Variants in TMEM170B observed in about 807,000 individuals in gnomAD.
The protein encoded by TMEM170B is transmembrane protein 170B.
Under a neutral mutation model 13.0 loss-of-function variants are expected in TMEM170B, and 6 were observed. That is an observed-to-expected ratio of 0.46 (90% CI 0.25 to 0.91). TMEM170B has a LOEUF of 0.91. Ranked by LOEUF, TMEM170B falls within the 40% of genes least tolerant of loss-of-function variation. TMEM170B has a pLI of 0.17. For synonymous variants in TMEM170B, 61 were observed against 64.9 expected, an observed-to-expected ratio of 0.94 and a Z score of 0.29; for missense variants, 138 against 165.2, an observed-to-expected ratio of 0.84 and a Z score of 0.90.
At chr6:11,547,027 T>C (rs766736465) in intron 1 of TMEM170B, among the ~76,000 whole-genome samples, 2 of 152,258 alleles carry the variant, frequency 1.3e-5, no homozygotes, top group African/African-American at 2.4e-5. Context: ...ACTATACTTA[T>C]CTATGTTCAG....
chr6:11,564,924 G>A (rs567692380), intron 1 of TMEM170B, among the ~76,000 whole-genome samples: 2 of 152,316 alleles, frequency 1.3e-5, no homozygotes, highest in African/African-American at 4.8e-5. Context: ...GGGAGAAGGA[G>A]TCAGTGCAAG....
At chr6:11,544,430 T>G (rs1200589268) in intron 1 of TMEM170B, among the ~76,000 whole-genome samples, 1 of 152,178 alleles carries the variant, frequency 6.6e-6, no homozygotes, top group Non-Finnish European at 1.5e-5. Context: ...CCCTGGTAAG[T>G]GTTTGCATCA....
At chr6:11,556,666 C>G (rs1759593783) in intron 1 of TMEM170B, among the ~76,000 whole-genome samples, 1 of 152,104 alleles carries the variant, frequency 6.6e-6, no homozygotes, top group South Asian at 2.1e-4. Flanking sequence ...TCTCGTCCTT[C>G]CATCGGCAGT....
intron 1 of TMEM170B, among the ~76,000 whole-genome samples, chr6:11,564,776 A>G (rs1759713767): frequency 1.3e-5 from 2 of 152,178 alleles, no homozygotes; most frequent in Admixed American, 1.3e-4. Flanking sequence ...AGCTTCACAA[A>G]TCTTGAGCCT....
intron 1 of TMEM170B, among the ~76,000 whole-genome samples, chr6:11,542,402 A>C (rs1759373592): frequency 6.6e-6 from 1 of 152,192 alleles, no homozygotes; most frequent in African/African-American, 2.4e-5. Flanking sequence ...GGTTAGCTCC[A>C]ATATGTCTTT....
At chr6:11,557,912 T>TC (rs1759611026) in intron 1 of TMEM170B, among the ~76,000 whole-genome samples, 1 of 152,194 alleles carries the variant, frequency 6.6e-6, no homozygotes. Context: ...TTATTATCAT[T>TC]ACTATTTTTT....
chr6:11,577,972 T>A lies in TMEM170B; in HGVS notation c.*2411T>A, dbSNP rs922731446. 6.6e-6 allele frequency: 1 copy of A among 152,156 alleles called. No homozygotes were observed. Among genetic ancestry groups the A allele is most frequent in the East Asian group, 1.9e-4 (1 of 5,200 alleles). 9.4% of individuals were successfully genotyped at this position (152,156 alleles called of 1,614,324 possible). A position where few individuals can be genotyped will look rare whatever the true frequency, so the allele number is the denominator to read the frequency against. On this transcript the variant is annotated 3_prime_UTR_variant, in exon 3 of 3. Transcript: ENST00000379426. ...ATAGCTATTTATATGCTGAAATTTTTAAAAAGTTAGTAGCTTTCCTATAGA... is the reference window on the plus strand; with the variant it reads ...ATAGCTATTTATATGCTGAAATTTTAAAAAAGTTAGTAGCTTTCCTATAGA...
At chr6:11,550,230 T>TG (rs1759506678) in intron 1 of TMEM170B, among the ~76,000 whole-genome samples, 1 of 151,666 alleles carries the variant, frequency 6.6e-6, no homozygotes, top group Non-Finnish European at 1.5e-5. Flanking sequence ...TGGAGTGCTG[T>TG]GGCGCAGTCT....
chr6:11,540,635 C>T (rs549876127), intron 1 of TMEM170B, among the ~76,000 whole-genome samples: 2 of 152,262 alleles, frequency 1.3e-5, no homozygotes, highest in East Asian at 3.9e-4. Context: ...AATTGCTTTC[C>T]AACTCCTATG....
At chr6:11,550,890 C>T (rs753977817) in intron 1 of TMEM170B, among the ~76,000 whole-genome samples, 26 of 152,134 alleles carry the variant, frequency 1.7e-4, no homozygotes, top group Non-Finnish European at 2.8e-4. Context: ...TACATAGCGA[C>T]TATTTTCAAG....
chr6:11,575,746 C>T lies in TMEM170B; in HGVS notation c.*185C>T. Reference sequence around the variant, plus strand: ...GTGTTCAAGTGATTGCACTACCGCACTGCACCTTATGTGCCTCTGTCTCAG... The same window carrying T: ...GTGTTCAAGTGATTGCACTACCGCATTGCACCTTATGTGCCTCTGTCTCAG... On this transcript the variant is annotated 3_prime_UTR_variant, in exon 3 of 3. Coordinates refer to ENST00000379426, the MANE Select transcript of TMEM170B (RefSeq NM_001100829.3). This position sits in a 1 kb window ranked among gnomAD's most constrained non-coding sequence, Gnocchi z 4.1. 1.7e-6 allele frequency: 1 copy of T among 600,958 alleles called. No individual in the cohort carries two copies. Among genetic ancestry groups the T allele is most frequent in the Non-Finnish European group, 2.8e-6 (1 of 356,608 alleles). The allele number at this position is 600,958 out of a possible 1,614,324, so 37.2% of individuals were successfully genotyped here.
At chr6:11,538,496 A>G in intron 1 of TMEM170B, 122 bp downstream of exon 1, 1 of 731,970 alleles carries the variant, frequency 1.4e-6, no homozygotes, top group Admixed American at 3.8e-5. Context: ...TCGGAGCTCC[A>G]GGTCCCGGCG....
In TMEM170B at chr6:11,578,746, G is replaced by A. The variant is rs1204952578; in HGVS notation, c.*3185G>A. The stretch of plus-strand genomic sequence containing the variant: ...AGCATACATTTCACTGCTCAAAAAA[G>A]TATAAGGGTTTTGTTTGTACTTTAA... On this transcript the variant is annotated 3_prime_UTR_variant, in exon 3 of 3. Transcript: ENST00000379426. 7.2e-5 allele frequency: 11 copies of A among 152,244 alleles called. No homozygotes were observed. In the East Asian group the frequency reaches 9.6e-4, roughly 13 times the overall value. 9.4% of individuals were successfully genotyped at this position (152,244 alleles called of 1,614,324 possible).
chr6:11,558,213 A>G (rs1486460207), intron 1 of TMEM170B, among the ~76,000 whole-genome samples: 2 of 152,298 alleles, frequency 1.3e-5, no homozygotes, highest in South Asian at 2.1e-4. Context: ...TTGGGTCCCC[A>G]TAATCTTCAA....
At chr6:11,556,974 G>A (rs1759598534) in intron 1 of TMEM170B, among the ~76,000 whole-genome samples, 1 of 152,168 alleles carries the variant, frequency 6.6e-6, no homozygotes, top group Admixed American at 6.5e-5. Context: ...TCTTTCCAGG[G>A]AGCACTCAGT....
chr6:11,572,427 G>T (rs1272735640), intron 2 of TMEM170B, among the ~76,000 whole-genome samples: 1 of 151,992 alleles, frequency 6.6e-6, no homozygotes, highest in East Asian at 1.9e-4. Flanking sequence ...TAAATCAAGA[G>T]TTTATTTAAC....
intron 1 of TMEM170B, among the ~76,000 whole-genome samples, chr6:11,555,562 T>C (rs1759576559): frequency 6.6e-6 from 1 of 152,228 alleles, no homozygotes; most frequent in Non-Finnish European, 1.5e-5. Flanking sequence ...CAATTACATA[T>C]ATGTTAAACC....
intron 1 of TMEM170B, among the ~76,000 whole-genome samples, chr6:11,549,249 G>T (rs1027076268): frequency 6.6e-6 from 1 of 152,106 alleles, no homozygotes; most frequent in Non-Finnish European, 1.5e-5. Context: ...TAAAGTGAGC[G>T]TATAAATTTA....
intron 1 of TMEM170B, among the ~76,000 whole-genome samples, chr6:11,564,502 T>C (rs1384712974): frequency 6.6e-6 from 1 of 152,252 alleles, no homozygotes; most frequent in Non-Finnish European, 1.5e-5. Flanking sequence ...TATTATAGAA[T>C]GTTTGCATAT....
Sources: gnomAD v4.1 joint callset for allele counts (sites outside exome capture counted in the v4.1 genomes callset) on GRCh38, gnomAD v4.1.1 for gene constraint, Gnocchi (gnomAD v3.1) non-coding constraint, MANE v1.5 for transcripts, NCBI Gene and HGNC (gene_info 2026-07-23, HGNC 2026-07-21) for gene names.